Variants in PPARGC1A observed in about 807,000 individuals in gnomAD.
The protein encoded by PPARGC1A is PPARG coactivator 1 alpha, also known as peroxisome proliferator-activated receptor gamma coactivator 1-alpha.
PPARGC1A carries 25 observed loss-of-function variants against 88.7 expected under a neutral mutation model. That is an observed-to-expected ratio of 0.28 (90% CI 0.21 to 0.39). The LOEUF is 0.39. PPARGC1A is among the 10% of genes least tolerant of loss of function. The pLI, the probability that PPARGC1A is intolerant of heterozygous loss-of-function variation, is 1.00. For synonymous variants in PPARGC1A, 363 were observed against 355.6 expected (o/e 1.02, Z -0.24); for missense variants, 880 against 968.7 (o/e 0.91, Z 1.22).
the PPARGC1A span, among the ~76,000 whole-genome samples, chr4:24,109,298 TACACACACACACACACAC>T: frequency 3.8e-5 from 5 of 131,800 alleles, no homozygotes; most frequent in Non-Finnish European, 6.5e-5. Flanking sequence ...CATTTCATTA[TACACACACACACACACAC>T]ACACACACAC....
chr4:24,434,980 A>G, the PPARGC1A span, among the ~76,000 whole-genome samples: 2 of 152,158 alleles, frequency 1.3e-5, no homozygotes, highest in African/African-American at 4.8e-5. Flanking sequence ...TACTTAAGTT[A>G]TTTCTGGAAA....
intron 10 of PPARGC1A, among the ~76,000 whole-genome samples, chr4:23,811,633 C>T (rs529187671): frequency 4.0e-4 from 61 of 152,160 alleles, no homozygotes; most frequent in African/African-American, 9.9e-4. Context: ...TGATAAACAG[C>T]GGTAGGGAGT....
chr4:24,440,679 G>A, the PPARGC1A span, among the ~76,000 whole-genome samples: 5 of 152,090 alleles, frequency 3.3e-5, no homozygotes, highest in African/African-American at 1.2e-4. Flanking sequence ...GCACATGCCT[G>A]TAGTCCCAGT....
At chr4:24,086,524 T>G in the PPARGC1A span, among the ~76,000 whole-genome samples, 1 of 152,292 alleles carries the variant, frequency 6.6e-6, no homozygotes, top group South Asian at 2.1e-4. Flanking sequence ...TCCATGCAAC[T>G]CCCAAGATAG....
chr4:23,976,959 G>A, the PPARGC1A span, among the ~76,000 whole-genome samples: 1 of 151,942 alleles, frequency 6.6e-6, no homozygotes, highest in Non-Finnish European at 1.5e-5. Flanking sequence ...GAAGGAAGAA[G>A]AGGAAAAGGA....
chr4:23,928,185 T>C, the PPARGC1A span, among the ~76,000 whole-genome samples: 1 of 152,164 alleles, frequency 6.6e-6, no homozygotes, highest in Admixed American at 6.6e-5. Context: ...TCGTTCAAGG[T>C]TATTGTTCTT....
chr4:24,341,721 T>C, the PPARGC1A span, among the ~76,000 whole-genome samples: 62 of 152,206 alleles, frequency 4.1e-4, no homozygotes, highest in East Asian at 0.011. Context: ...GAGACACAGA[T>C]TAAAGGCCTT....
At chr4:23,890,771 A>C (rs964268107), upstream of PPARGC1A, among the ~76,000 whole-genome samples, 1 of 152,240 alleles carries the variant, frequency 6.6e-6, no homozygotes, top group Admixed American at 6.5e-5. Context: ...AAGGAGAACA[A>C]GCCACAAAAC....
At chr4:24,460,609 T>C in the PPARGC1A span, among the ~76,000 whole-genome samples, 1 of 152,214 alleles carries the variant, frequency 6.6e-6, no homozygotes, top group Non-Finnish European at 1.5e-5. Flanking sequence ...AAGTCCTATT[T>C]TCTGAAACAA....
intron 2 of PPARGC1A, among the ~76,000 whole-genome samples, chr4:23,863,626 C>T (rs912310290): frequency 1.4e-4 from 22 of 152,100 alleles, no homozygotes; most frequent in African/African-American, 3.6e-4. Flanking sequence ...AGCATAAATC[C>T]GTGCACATAG....
the PPARGC1A span, among the ~76,000 whole-genome samples, chr4:24,385,824 C>T: frequency 6.6e-6 from 1 of 152,148 alleles, no homozygotes; most frequent in African/African-American, 2.4e-5. Flanking sequence ...CACAGAGGAG[C>T]TGGTACCATT....
At chr4:24,022,240 A>C in the PPARGC1A span, among the ~76,000 whole-genome samples, 1 of 152,006 alleles carries the variant, frequency 6.6e-6, no homozygotes, top group African/African-American at 2.4e-5. Flanking sequence ...GCTGCCCCTC[A>C]AAGTTTCTTT....
At chr4:24,323,664 A>G in the PPARGC1A span, among the ~76,000 whole-genome samples, 3 of 152,172 alleles carry the variant, frequency 2.0e-5, no homozygotes, top group Non-Finnish European at 2.9e-5. Context: ...ATAAACAGCC[A>G]TGTTGCTCAC....
the PPARGC1A span, among the ~76,000 whole-genome samples, chr4:24,422,663 G>T: frequency 6.8e-6 from 1 of 147,440 alleles, no homozygotes; most frequent in African/African-American, 2.5e-5. Context: ...CTCACATAGA[G>T]AACTATGACC....
the PPARGC1A span, among the ~76,000 whole-genome samples, chr4:24,450,077 T>C: frequency 6.6e-6 from 1 of 152,232 alleles, no homozygotes; most frequent in African/African-American, 2.4e-5. Context: ...AAATATTTTA[T>C]TGAAACTTAC....
chr4:23,843,928 ATATACATAAG>A (rs1425260931), intron 2 of PPARGC1A, among the ~76,000 whole-genome samples: 1 of 152,028 alleles, frequency 6.6e-6, no homozygotes, highest in East Asian at 1.9e-4. Context: ...TTACAGATAC[ATATACATAAG>A]TATACATATA....
At chr4:24,129,851 A>G in the PPARGC1A span, among the ~76,000 whole-genome samples, 3 of 152,188 alleles carry the variant, frequency 2.0e-5, no homozygotes, top group Admixed American at 6.6e-5. Context: ...TTGTGGGGAC[A>G]TGGATGAAGC....
chr4:24,393,354 C>T, the PPARGC1A span, among the ~76,000 whole-genome samples: 2 of 150,854 alleles, frequency 1.3e-5, no homozygotes, highest in Non-Finnish European at 3.0e-5. Context: ...GAAGAAGCCA[C>T]GGAGATAGAT....
chr4:24,148,853 G>A, the PPARGC1A span, among the ~76,000 whole-genome samples: 56 of 152,206 alleles, frequency 3.7e-4, no homozygotes, highest in Non-Finnish European at 5.9e-4. Context: ...TTCTCCATAA[G>A]TAAGGACATT....
Sources: gnomAD v4.1 joint callset for allele counts (sites outside exome capture counted in the v4.1 genomes callset) on GRCh38, gnomAD v4.1.1 for gene constraint, MANE v1.5 for transcripts, NCBI Gene and HGNC (gene_info 2026-07-23, HGNC 2026-07-21) for gene names.